SEMA6D: variants seen among roughly 807,000 people sequenced by gnomAD.
SEMA6D encodes the protein semaphorin-6D.
SEMA6D carries 35 observed loss-of-function variants against 106.6 expected under a neutral mutation model. The ratio of observed to expected loss-of-function variants is 0.33; its 90% CI spans 0.25 to 0.44. The LOEUF (loss-of-function observed/expected upper bound fraction) is 0.44. SEMA6D is among the 20% of genes least tolerant of loss of function. SEMA6D has a pLI of 1.00. For missense variants in SEMA6D, 1,185 were observed against 1,345.9 expected (o/e 0.88, Z 1.87); for synonymous variants, 499 against 487.7 (o/e 1.02, Z -0.31).
At chr15:47,231,496 T>G (rs2032193723) in intron 1 of SEMA6D, among the ~76,000 whole-genome samples, 1 of 152,034 alleles carries the variant, frequency 6.6e-6, no homozygotes, top group African/African-American at 2.4e-5. Flanking sequence ...AATCCACTTT[T>G]CATCGCCATT....
At chr15:47,249,936 C>T (rs992755446) in intron 1 of SEMA6D, among the ~76,000 whole-genome samples, 1 of 152,006 alleles carries the variant, frequency 6.6e-6, no homozygotes, top group Non-Finnish European at 1.5e-5. Context: ...TCGGCAGGCA[C>T]CTAGTAAGGA....
intron 1 of SEMA6D, among the ~76,000 whole-genome samples, chr15:47,200,405 T>C (rs936659331): frequency 6.6e-6 from 1 of 152,158 alleles, no homozygotes; most frequent in Non-Finnish European, 1.5e-5. Context: ...GCAACCCTTC[T>C]CTGGGGTCAG....
intron 1 of SEMA6D, among the ~76,000 whole-genome samples, chr15:47,212,082 A>C (rs191823515): frequency 6.6e-5 from 10 of 152,318 alleles, no homozygotes; most frequent in African/African-American, 2.4e-4. Context: ...CAGGTCACCC[A>C]CAAAAATGTA....
intron 1 of SEMA6D, among the ~76,000 whole-genome samples, chr15:47,204,838 T>A (rs1336174148): frequency 1.3e-5 from 2 of 152,134 alleles, no homozygotes; most frequent in African/African-American, 4.8e-5. Context: ...GGGAGGATTA[T>A]AATTGGAGAA....
chr15:47,190,581 G>GAATGACCA (rs2140943642), intron 1 of SEMA6D, among the ~76,000 whole-genome samples: 1 of 152,192 alleles, frequency 6.6e-6, no homozygotes, highest in South Asian at 2.1e-4. Context: ...CCTAAAGGTA[G>GAATGACCA]AATGACCAAA....
At chr15:47,528,789 A>G (rs1253117636) in intron 3 of SEMA6D, among the ~76,000 whole-genome samples, 2 of 152,214 alleles carry the variant, frequency 1.3e-5, no homozygotes, top group Admixed American at 6.5e-5. Flanking sequence ...GAAAATACAT[A>G]CAGTTGACCG....
chr15:47,193,606 T>C (rs1894119854), intron 1 of SEMA6D, among the ~76,000 whole-genome samples: 1 of 151,992 alleles, frequency 6.6e-6, no homozygotes, highest in Non-Finnish European at 1.5e-5. Flanking sequence ...GTCACATACA[T>C]CAACTTCAAT....
chr15:47,477,661 G>A (rs2043039060), intron 3 of SEMA6D, among the ~76,000 whole-genome samples: 1 of 151,968 alleles, frequency 6.6e-6, no homozygotes, highest in African/African-American at 2.4e-5. Context: ...TTGATTTTTT[G>A]CCAATTTTTT....
At chr15:47,529,956 G>A (rs976674241) in intron 3 of SEMA6D, among the ~76,000 whole-genome samples, 5 of 152,220 alleles carry the variant, frequency 3.3e-5, no homozygotes, top group South Asian at 4.1e-4. Context: ...GGTAATAGTC[G>A]CAGTCTGAAA....
intron 4 of SEMA6D, among the ~76,000 whole-genome samples, chr15:47,678,263 G>A (rs1298549300): frequency 2.6e-5 from 4 of 152,038 alleles, no homozygotes; most frequent in Non-Finnish European, 1.5e-5. Context: ...TATTTCCCCA[G>A]CATCAAACAA....
intron 4 of SEMA6D, among the ~76,000 whole-genome samples, chr15:47,683,091 A>G (rs572021138): frequency 3.5e-4 from 54 of 152,320 alleles, no homozygotes; most frequent in African/African-American, 1.2e-3. Context: ...TTGGGGGTAC[A>G]TATGAAGGTT....
At chr15:47,344,131 G>T (rs2037944067) in intron 1 of SEMA6D, among the ~76,000 whole-genome samples, 1 of 152,150 alleles carries the variant, frequency 6.6e-6, no homozygotes, top group African/African-American at 2.4e-5. Context: ...TACACTGTTG[G>T]TGGGACTGTA....
chr15:47,256,044 CATTA>C (rs1024160023), intron 1 of SEMA6D, among the ~76,000 whole-genome samples: 2 of 151,958 alleles, frequency 1.3e-5, no homozygotes, highest in African/African-American at 4.8e-5. Context: ...TAGTCTGTTC[CATTA>C]ATCTATGTGT....
intron 1 of SEMA6D, among the ~76,000 whole-genome samples, chr15:47,367,891 TC>T (rs1302406440): frequency 2.0e-5 from 3 of 152,142 alleles, no homozygotes; most frequent in Admixed American, 6.5e-5. Context: ...TGGCTCATAG[TC>T]AAAAATTCCA....
intron 1 of SEMA6D, among the ~76,000 whole-genome samples, chr15:47,349,736 AT>A (rs36000843): frequency 0.47 from 71,014 of 152,000 alleles, 19,706 homozygotes; most frequent in South Asian, 0.61. Context: ...AGAAAAACAG[AT>A]TTTGGTAACT....
At chr15:47,515,146 A>G (rs965720504) in intron 3 of SEMA6D, among the ~76,000 whole-genome samples, 1 of 152,114 alleles carries the variant, frequency 6.6e-6, no homozygotes, top group Non-Finnish European at 1.5e-5. Flanking sequence ...TGCCTAAATG[A>G]CCATCCTCCA....
intron 3 of SEMA6D, among the ~76,000 whole-genome samples, chr15:47,550,972 A>G (rs138940984): frequency 1.5e-3 from 229 of 152,328 alleles, no homozygotes; most frequent in African/African-American, 5.1e-3. Context: ...TAAATTCCCC[A>G]TAACAGCATA....
At chr15:47,299,678 A>G (rs1362302519) in intron 1 of SEMA6D, among the ~76,000 whole-genome samples, 1 of 152,220 alleles carries the variant, frequency 6.6e-6, no homozygotes, top group Non-Finnish European at 1.5e-5. Context: ...TTGATGACAA[A>G]CTACCCTGGG....
At chr15:47,351,819 A>T (rs2038337388) in intron 1 of SEMA6D, among the ~76,000 whole-genome samples, 1 of 152,208 alleles carries the variant, frequency 6.6e-6, no homozygotes, top group African/African-American at 2.4e-5. Flanking sequence ...GAAAATTTAG[A>T]ACCTTTCATA....
Sources: allele counts gnomAD v4.1 joint callset (sites outside exome capture counted in the v4.1 genomes callset), GRCh38; gene constraint gnomAD v4.1.1; transcripts MANE v1.5; gene names NCBI Gene and HGNC (gene_info 2026-07-23, HGNC 2026-07-21).